Variants in LRP12 observed in about 807,000 individuals in gnomAD.
LRP12 encodes the protein LDL receptor related protein 12.
LRP12 carries 14 observed loss-of-function variants against 66.0 expected under a neutral mutation model. The observed-to-expected ratio is 0.21, with a 90% CI of 0.14 to 0.33. The LOEUF (loss-of-function observed/expected upper bound fraction) is 0.33. Ranked by LOEUF, LRP12 falls within the 10% of genes least tolerant of loss-of-function variation. The pLI is 1.00. For synonymous variants in LRP12, 357 were observed against 359.1 expected (o/e 0.99, Z 0.07); for missense variants, 889 against 1,053.4 (o/e 0.84, Z 2.16).
intron 2 of LRP12, among the ~76,000 whole-genome samples, chr8:104,527,657 G>C (rs952514068): frequency 6.6e-6 from 1 of 151,926 alleles, no homozygotes; most frequent in African/African-American, 2.4e-5. Context: ...ACAGGAAGGG[G>C]AACATCACAC....
chr8:104,540,217 C>T (rs183429672), intron 1 of LRP12, among the ~76,000 whole-genome samples: 155 of 152,178 alleles, frequency 1.0e-3, no homozygotes, highest in African/African-American at 3.5e-3. Context: ...TGTGAGGACA[C>T]AGTAAGGAGG....
chr8:104,559,750 T>C (rs1356737019), intron 1 of LRP12, among the ~76,000 whole-genome samples: 1 of 152,202 alleles, frequency 6.6e-6, no homozygotes, highest in Non-Finnish European at 1.5e-5. Context: ...TCACATAAGT[T>C]CTGCATAATT....
intron 1 of LRP12, among the ~76,000 whole-genome samples, chr8:104,569,633 C>T (rs557132590): frequency 3.4e-4 from 52 of 152,002 alleles, no homozygotes; most frequent in Non-Finnish European, 3.4e-4. Context: ...CATAATAAAA[C>T]TCTTAGCAAA....
intron 1 of LRP12, among the ~76,000 whole-genome samples, chr8:104,536,498 T>C (rs1038510003): frequency 1.3e-5 from 2 of 152,010 alleles, no homozygotes; most frequent in African/African-American, 4.8e-5. Context: ...CAGCGACTAG[T>C]ACAAAACATA....
At chr8:104,536,059 A>T (rs373230473) in intron 1 of LRP12, among the ~76,000 whole-genome samples, 2 of 152,230 alleles carry the variant, frequency 1.3e-5, no homozygotes, top group East Asian at 3.9e-4. Context: ...TAAACATATA[A>T]ACCAAAAAAG....
chr8:104,585,534 A>G (rs1174805157), intron 1 of LRP12, among the ~76,000 whole-genome samples: 2 of 152,132 alleles, frequency 1.3e-5, no homozygotes, highest in African/African-American at 4.8e-5. Context: ...CCTCTAAACT[A>G]TATTTTAAGG....
At chr8:104,538,780 T>G (rs1332220783) in intron 1 of LRP12, among the ~76,000 whole-genome samples, 1 of 152,208 alleles carries the variant, frequency 6.6e-6, no homozygotes, top group Non-Finnish European at 1.5e-5. Flanking sequence ...TGGTAGCCAT[T>G]AGCCACATGT....
intron 1 of LRP12, among the ~76,000 whole-genome samples, chr8:104,569,917 A>G (rs540168033): frequency 1.3e-5 from 2 of 152,294 alleles, no homozygotes; most frequent in Non-Finnish European, 2.9e-5. Flanking sequence ...TTTGAGAGAA[A>G]TCTACACAAA....
At chr8:104,577,115 A>G (rs746243732) in intron 1 of LRP12, among the ~76,000 whole-genome samples, 7 of 152,212 alleles carry the variant, frequency 4.6e-5, no homozygotes, top group African/African-American at 9.6e-5. Flanking sequence ...AAAGAGACTT[A>G]GACTCCCACA....
At chr8:104,561,451 C>A (rs1210294961) in intron 1 of LRP12, among the ~76,000 whole-genome samples, 1 of 152,122 alleles carries the variant, frequency 6.6e-6, no homozygotes, top group Non-Finnish European at 1.5e-5. Context: ...ATGATCACAG[C>A]CTGAATAAAT....
intron 2 of LRP12, among the ~76,000 whole-genome samples, chr8:104,528,787 A>C (rs1811284374): frequency 6.6e-6 from 1 of 151,808 alleles, no homozygotes; most frequent in Non-Finnish European, 1.5e-5. Context: ...TCAAAAAAAA[A>C]ACAACAACAA....
intron 4 of LRP12, among the ~76,000 whole-genome samples, chr8:104,498,530 C>A (rs1175530529): frequency 6.6e-6 from 1 of 152,140 alleles, no homozygotes; most frequent in Admixed American, 6.5e-5. Flanking sequence ...CTTCATCCAT[C>A]CATCCAGCTT....
chr8:104,510,796 TTA>T (rs1810981447), intron 2 of LRP12, among the ~76,000 whole-genome samples: 1 of 152,078 alleles, frequency 6.6e-6, no homozygotes, highest in South Asian at 2.1e-4. Context: ...AGCTCATAAT[TTA>T]TATATTGCCT....
rs946655519 is a variant in LRP12 at position 104,490,526 on chromosome 8, A to G, written c.*147T>C. 7 of 879,262 alleles carry G rather than the reference A, an allele frequency of 8.0e-6. No homozygotes were observed. Among genetic ancestry groups the G allele is most frequent in the Non-Finnish European group, 1.0e-5 (6 of 588,854 alleles). 54.5% of individuals were successfully genotyped at this position (879,262 alleles called of 1,614,324 possible). A position where few individuals can be genotyped will look rare whatever the true frequency, so the allele number is the denominator to read the frequency against. On this transcript the variant is annotated 3_prime_UTR_variant, in exon 7 of 7. Transcript: ENST00000276654. ...AAGTTCATAGAGTTACAAGTTGTCGAATTTAACCATGCAGGCTAACATATA... is the reference window on the plus strand; with the variant it reads ...AAGTTCATAGAGTTACAAGTTGTCGGATTTAACCATGCAGGCTAACATATA...
At chr8:104,558,615 T>C (rs1402239683) in intron 1 of LRP12, among the ~76,000 whole-genome samples, 6 of 152,038 alleles carry the variant, frequency 3.9e-5, no homozygotes, top group Admixed American at 6.5e-5. Flanking sequence ...TGGGACTTAA[T>C]TAAACTAAAA....
At chr8:104,513,213 T>C (rs866084510) in intron 2 of LRP12, among the ~76,000 whole-genome samples, 1 of 152,342 alleles carries the variant, frequency 6.6e-6, no homozygotes, top group Middle Eastern at 3.4e-3. Flanking sequence ...CCTTTTGGGT[T>C]AAGAGTTTGC....
chr8:104,558,598 A>G (rs1333438957), intron 1 of LRP12, among the ~76,000 whole-genome samples: 1 of 152,204 alleles, frequency 6.6e-6, no homozygotes, highest in African/African-American at 2.4e-5. Context: ...AAACAAAGAC[A>G]AATAGATGGG....
chr8:104,571,446 T>C (rs1812078563), intron 1 of LRP12, among the ~76,000 whole-genome samples: 1 of 152,150 alleles, frequency 6.6e-6, no homozygotes, highest in South Asian at 2.1e-4. Flanking sequence ...AACTGAATCA[T>C]GGGGGTGGTT....
intron 2 of LRP12, among the ~76,000 whole-genome samples, chr8:104,520,070 G>A (rs530746123): frequency 9.5e-5 from 14 of 147,686 alleles, no homozygotes; most frequent in African/African-American, 3.4e-4. Context: ...AAAAAAAAAC[G>A]GGTCATAGCA....
Sources: allele counts gnomAD v4.1 joint callset (sites outside exome capture counted in the v4.1 genomes callset), GRCh38; gene constraint gnomAD v4.1.1; transcripts MANE v1.5; gene names NCBI Gene and HGNC (gene_info 2026-07-23, HGNC 2026-07-21).